Variants in SOX5 observed in about 807,000 individuals in gnomAD.
SOX5 encodes transcription factor SOX-5.
Under a neutral mutation model 92.0 loss-of-function variants are expected in SOX5, and 9 were observed. The ratio of observed to expected loss-of-function variants is 0.10; its 90% CI spans 0.06 to 0.17. The LOEUF (loss-of-function observed/expected upper bound fraction) is 0.17. Among genes scored for constraint, SOX5 ranks in the 10% least tolerant of loss-of-function variants. The pLI is 1.00. For missense variants in SOX5, 642 were observed against 944.5 expected (o/e 0.68, Z 4.20); for synonymous variants, 344 against 336.3 (o/e 1.02, Z -0.25).
rs186374060 is a variant in SOX5, at chr12:24,213,742, C to A, written c.-76-325G>T. 4.6e-5 allele frequency among the ~76,000 whole-genome samples: 7 copies of A among 151,680 alleles called. No individual in the cohort carries two copies. The East Asian group carries it at 1.4e-3, about 29-fold the overall frequency. ...ATGACATTTCAAGATACAGCGACAACTGAAATGTAAAAATATGAACTAATT... is the reference window on the plus strand; with the variant it reads ...ATGACATTTCAAGATACAGCGACAAATGAAATGTAAAAATATGAACTAATT... On this transcript the variant is annotated intron_variant, in intron 3 of 4. Transcript: ENST00000446891.
At chr12:24,421,635 G>A (rs1965931788) in intron 1 of SOX5, among the ~76,000 whole-genome samples, 1 of 152,084 alleles carries the variant, frequency 6.6e-6, no homozygotes, top group Non-Finnish European at 1.5e-5. Flanking sequence ...AGATTCCTCT[G>A]CTCTCAGTTC....
intron 2 of SOX5, among the ~76,000 whole-genome samples, chr12:23,867,672 C>A (rs535563080): frequency 1.8e-4 from 28 of 152,074 alleles, no homozygotes; most frequent in Non-Finnish European, 3.1e-4. Context: ...CTGCCTGACA[C>A]TGAAATGAAT....
chr12:24,376,205 C>G (rs1046630149), intron 1 of SOX5, among the ~76,000 whole-genome samples: 7 of 152,142 alleles, frequency 4.6e-5, no homozygotes, highest in African/African-American at 1.7e-4. Flanking sequence ...TTACAAATTC[C>G]AAGAACTTTT....
At chr12:24,098,019 C>A (rs1390160740) in intron 4 of SOX5, among the ~76,000 whole-genome samples, 1 of 151,988 alleles carries the variant, frequency 6.6e-6, no homozygotes, top group Admixed American at 6.6e-5. Flanking sequence ...CCTACTTTAC[C>A]AACTTATTTC....
At chr12:24,257,863 G>C (rs566210968) in intron 3 of SOX5, among the ~76,000 whole-genome samples, 1 of 151,724 alleles carries the variant, frequency 6.6e-6, no homozygotes, top group Non-Finnish European at 1.5e-5. Flanking sequence ...CTGACAACAC[G>C]GTTTTATTTT....
intron 1 of SOX5, among the ~76,000 whole-genome samples, chr12:24,394,060 G>C (rs1293722382): frequency 6.6e-6 from 1 of 152,140 alleles, no homozygotes; most frequent in Non-Finnish European, 1.5e-5. Context: ...AAAGAAATCG[G>C]AAGAGACTGC....
At chr12:23,761,417 A>T (rs1228821683) in intron 3 of SOX5, among the ~76,000 whole-genome samples, 4 of 152,114 alleles carry the variant, frequency 2.6e-5, no homozygotes, top group African/African-American at 9.7e-5. Flanking sequence ...TAATTTTTAA[A>T]CTAGTTACAG....
At chr12:24,442,348 C>T (rs1368140854) in intron 1 of SOX5, among the ~76,000 whole-genome samples, 1 of 152,062 alleles carries the variant, frequency 6.6e-6, no homozygotes, top group East Asian at 1.9e-4. Context: ...TCTAGGGATT[C>T]GTTAGTGGAC....
At chr12:24,466,280 T>C (rs566287312) in intron 1 of SOX5, among the ~76,000 whole-genome samples, 2 of 152,068 alleles carry the variant, frequency 1.3e-5, no homozygotes, top group East Asian at 3.9e-4. Flanking sequence ...TCTTGCTGTA[T>C]AGCCCAGGCT....
intron 3 of SOX5, among the ~76,000 whole-genome samples, chr12:23,808,719 G>A (rs368441710): frequency 1.1e-4 from 17 of 151,876 alleles, no homozygotes; most frequent in East Asian, 3.9e-4. Context: ...CAGTCTTATC[G>A]TAATCCATTT....
At chr12:24,505,975 A>AT (rs1948705054) in intron 1 of SOX5, among the ~76,000 whole-genome samples, 3 of 152,078 alleles carry the variant, frequency 2.0e-5, no homozygotes, top group African/African-American at 4.8e-5. Flanking sequence ...AGGATTTAAG[A>AT]TTTTTTAGTC....
chr12:24,041,098 T>G lies in SOX5; in HGVS notation c.-1-145074A>C, dbSNP rs543115739. On this transcript the variant is annotated intron_variant, in intron 4 of 4. Transcript: ENST00000446891. ...CTATTATTTCTTAAACTACAGAATT[T>G]GGACATGTAGGAAAACTGATGTAGC... Among the ~76,000 whole-genome samples, 19 of 152,326 alleles carry G rather than the reference T, an allele frequency of 1.2e-4. No homozygotes were observed. In the South Asian group the frequency reaches 3.7e-3, roughly 30 times the overall value.
chr12:23,957,880 A>G (rs983288237), intron 4 of SOX5, among the ~76,000 whole-genome samples: 1 of 152,118 alleles, frequency 6.6e-6, no homozygotes, highest in African/African-American at 2.4e-5. Flanking sequence ...TAAACTGCAT[A>G]TTTTCATAAA....
intron 1 of SOX5, among the ~76,000 whole-genome samples, chr12:24,405,204 A>C (rs987152080): frequency 3.3e-5 from 5 of 152,200 alleles, no homozygotes; most frequent in Non-Finnish European, 5.9e-5. Context: ...TCAAATGTCA[A>C]ATCCTTAATA....
chr12:24,209,263 G>C (rs1447605647), intron 4 of SOX5, among the ~76,000 whole-genome samples: 4 of 152,138 alleles, frequency 2.6e-5, no homozygotes, highest in African/African-American at 9.7e-5. Context: ...GTGGCAGAAA[G>C]TGACAGGAAT....
chr12:23,688,140 T>C (rs2087991892), intron 6 of SOX5, among the ~76,000 whole-genome samples: 2 of 152,040 alleles, frequency 1.3e-5, no homozygotes, highest in Non-Finnish European at 2.9e-5. Context: ...TTTTATATGG[T>C]CCCTTGGGGC....
chr12:24,064,232 GC>G (rs1333696791), intron 4 of SOX5, among the ~76,000 whole-genome samples: 1 of 152,144 alleles, frequency 6.6e-6, no homozygotes, highest in Non-Finnish European at 1.5e-5. Context: ...TCAAAGAGTG[GC>G]CCTTCCCTAG....
At chr12:23,828,370 T>C (rs1217885505) in intron 3 of SOX5, among the ~76,000 whole-genome samples, 2 of 152,234 alleles carry the variant, frequency 1.3e-5, no homozygotes, top group African/African-American at 2.4e-5. Flanking sequence ...AATTCAGATC[T>C]AATTATAAAA....
chr12:23,779,453 C>T (rs569509363), intron 3 of SOX5, among the ~76,000 whole-genome samples: 1 of 150,440 alleles, frequency 6.6e-6, no homozygotes, highest in East Asian at 2.0e-4. Flanking sequence ...CAGGAAAATG[C>T]TAATAAATGT....
Sources: allele counts gnomAD v4.1 joint callset (sites outside exome capture counted in the v4.1 genomes callset), GRCh38; gene constraint gnomAD v4.1.1; transcripts MANE v1.5; gene names NCBI Gene and HGNC (gene_info 2026-07-23, HGNC 2026-07-21).